Variants in SMARCAD1 observed in about 807,000 individuals in gnomAD.
SMARCAD1 encodes SNF2 related chromatin remodeling ATPase with DExD box 1.
In SMARCAD1, 25 loss-of-function variants were observed where a neutral mutation model predicts 127.1. The observed-to-expected ratio is 0.20, with a 90% confidence interval of 0.14 to 0.27. The LOEUF is 0.27. Ranked by LOEUF, SMARCAD1 falls within the 10% of genes least tolerant of loss-of-function variation. The pLI is 1.00. For missense variants in SMARCAD1, 807 were observed against 1,206.0 expected (o/e 0.67, Z 4.90); for synonymous variants, 400 against 396.9 (o/e 1.01, Z -0.09).
rs751159247 is a variant in SMARCAD1 at position 94,289,618 on chromosome 4, T to C, written c.*84T>C. On this transcript the variant is annotated 3_prime_UTR_variant, in exon 24 of 24. Coordinates refer to ENST00000354268, the MANE Select transcript of SMARCAD1 (RefSeq NM_020159.5). ...ATTTACATTATGATGACCATGGGGTTTATGAACATTTATAACTTTTTATAA... is the reference window on the plus strand; with the variant it reads ...ATTTACATTATGATGACCATGGGGTCTATGAACATTTATAACTTTTTATAA... 8.6e-7 allele frequency: 1 copy of C among 1,161,218 alleles called. No individual in the cohort carries two copies. The highest frequency in any genetic ancestry group is 1.5e-5 in the African/African-American group (1 of 66,132). The allele number at this position is 1,161,218 out of a possible 1,614,324, so 71.9% of individuals were successfully genotyped here.
At chr4:94,213,617 CTG>C (rs1281102223) in intron 2 of SMARCAD1, among the ~76,000 whole-genome samples, 5 of 151,422 alleles carry the variant, frequency 3.3e-5, no homozygotes, top group Non-Finnish European at 7.4e-5. Context: ...AGGGAAATGA[CTG>C]TAGAGATGAC....
At chr4:94,243,828 A>G (rs560877939) in intron 6 of SMARCAD1, among the ~76,000 whole-genome samples, 2 of 152,268 alleles carry the variant, frequency 1.3e-5, no homozygotes, top group African/African-American at 4.8e-5. Flanking sequence ...GATCTTTTCT[A>G]TTTGAAAAAA....
At chr4:94,271,239 C>G (rs966806095) in intron 11 of SMARCAD1, among the ~76,000 whole-genome samples, 6 of 152,130 alleles carry the variant, frequency 3.9e-5, no homozygotes, top group African/African-American at 1.4e-4. Flanking sequence ...TAACTTAGAT[C>G]CCTGTCCTTG....
Position 94,277,013 on chromosome 4 carries a change from C to A in SMARCAD1, c.1945-9C>A. 6.2e-7 allele frequency: 1 copy of A among 1,613,940 alleles called. No homozygotes were observed. The highest frequency in any genetic ancestry group is 8.5e-7 in the Non-Finnish European group (1 of 1,179,942). ...AAAAAGCTAATATAAATTTTACCTT[C>A]ATTCACAGGCAAATAACCGTTTGCT... On this transcript the variant is annotated splice_polypyrimidine_tract_variant and intron_variant, in intron 15 of 23. Coordinates refer to ENST00000354268, the MANE Select transcript of SMARCAD1 (RefSeq NM_020159.5).
intron 10 of SMARCAD1, among the ~76,000 whole-genome samples, chr4:94,267,088 T>G (rs1751838263): frequency 7.9e-6 from 1 of 127,364 alleles, no homozygotes; most frequent in Non-Finnish European, 1.8e-5. Flanking sequence ...CTTAAAAGAT[T>G]TCTCACATGT....
rs372060663 is a variant in SMARCAD1, at chr4:94,280,580, T to C, written c.2419-12T>C. 125 of 1,611,270 alleles carry C rather than the reference T, an allele frequency of 7.8e-5. 1 individual carries two copies. The highest frequency in any genetic ancestry group is 9.8e-5 in the Non-Finnish European group (116 of 1,178,314). On this transcript the variant is annotated splice_polypyrimidine_tract_variant and intron_variant, in intron 19 of 23. Coordinates refer to ENST00000354268, the MANE Select transcript of SMARCAD1 (RefSeq NM_020159.5). ...TTATTTTGAAGTATACTGTGTTTTG[T>C]TTTGTTTTAAGGAACCTACACATTG...
At chr4:94,221,372 G>T (rs139329736) in intron 2 of SMARCAD1, among the ~76,000 whole-genome samples, 2 of 152,010 alleles carry the variant, frequency 1.3e-5, no homozygotes, top group East Asian at 1.9e-4. Context: ...ATGTTTTTTC[G>T]TATGGTTCCA....
At chr4:94,280,091 C>T (rs1753815122) in intron 19 of SMARCAD1, among the ~76,000 whole-genome samples, 1 of 152,188 alleles carries the variant, frequency 6.6e-6, no homozygotes, top group Non-Finnish European at 1.5e-5. Context: ...TCTCGAACTC[C>T]TGACCTTAGG....
chr4:94,229,210 C>T (rs888108833), intron 3 of SMARCAD1, among the ~76,000 whole-genome samples: 1 of 152,046 alleles, frequency 6.6e-6, no homozygotes, highest in Admixed American at 6.5e-5. Context: ...TATTCGCTAG[C>T]CAGCTTTCAC....
chr4:94,278,751 C>A lies in SMARCAD1; in HGVS notation c.2296+18C>A, dbSNP rs1276845155. 6.2e-7 allele frequency: 1 copy of A among 1,609,268 alleles called. No individual in the cohort carries two copies. Among genetic ancestry groups the A allele is most frequent in the Non-Finnish European group, 8.5e-7 (1 of 1,175,680 alleles). On this transcript the variant is annotated intron_variant, in intron 18 of 23. Coordinates refer to ENST00000354268, the MANE Select transcript of SMARCAD1 (RefSeq NM_020159.5). ...TAACTTGGGTATAATCTGATTTTTA[C>A]TCTTTTATGTGAAAAAGAATCTTGT...
chr4:94,241,409 A>G (rs1169229557), intron 6 of SMARCAD1, among the ~76,000 whole-genome samples: 7 of 152,162 alleles, frequency 4.6e-5, no homozygotes, highest in African/African-American at 1.7e-4. Context: ...GTTCATCTCC[A>G]AATTTCCCCT....
In SMARCAD1 at chr4:94,282,101, T is replaced by TTTTTG. The variant is rs1560568954; in HGVS notation, c.2726+515_2726+516insGTTTT. Among the ~76,000 whole-genome samples, 253 of 63,708 alleles carry TTTTTG rather than the reference T, an allele frequency of 4.0e-3. 3 individuals are homozygous for TTTTTG. Among genetic ancestry groups the TTTTTG allele is most frequent in the Middle Eastern group, 0.04 (5 of 126 alleles). 41.8% of individuals were successfully genotyped at this position (63,708 alleles called of 152,430 possible). ...AATTACATGCAAATACGTTTTTTTG[T>TTTTTG]TTTTTTTTTTTTTTTTGAGACGGAG... is the stretch of plus-strand genomic sequence containing the variant. On this transcript the variant is annotated intron_variant, in intron 21 of 23. Coordinates refer to ENST00000354268, the MANE Select transcript of SMARCAD1 (RefSeq NM_020159.5).
intron 3 of SMARCAD1, among the ~76,000 whole-genome samples, chr4:94,232,612 G>T (rs1746013822): frequency 6.6e-6 from 1 of 152,184 alleles, no homozygotes; most frequent in Non-Finnish European, 1.5e-5. Context: ...TTACTTTAGA[G>T]CGGTTTCTCA....
At chr4:94,230,418 C>G (rs1745661570) in intron 3 of SMARCAD1, among the ~76,000 whole-genome samples, 1 of 152,106 alleles carries the variant, frequency 6.6e-6, no homozygotes, top group African/African-American at 2.4e-5. Flanking sequence ...TTATTTTTTG[C>G]AACTCCATAG....
intron 5 of SMARCAD1, among the ~76,000 whole-genome samples, chr4:94,238,373 G>A (rs1398572836): frequency 6.6e-6 from 1 of 152,056 alleles, no homozygotes; most frequent in African/African-American, 2.4e-5. Flanking sequence ...CAAACTCAAA[G>A]GTCGTTGTGA....
intron 10 of SMARCAD1, among the ~76,000 whole-genome samples, chr4:94,269,482 A>G (rs1752217858): frequency 6.7e-6 from 1 of 149,074 alleles, no homozygotes; most frequent in Non-Finnish European, 1.5e-5. Flanking sequence ...ATGCAACCTC[A>G]GGCAAATTAA....
intron 10 of SMARCAD1, among the ~76,000 whole-genome samples, chr4:94,266,156 C>T (rs1231893992): frequency 6.6e-6 from 1 of 151,004 alleles, no homozygotes; most frequent in Non-Finnish European, 1.5e-5. Context: ...CAAATTTCAT[C>T]TCCTAAAAGT....
chr4:94,273,475 CAT>C (rs1370289844), intron 11 of SMARCAD1, 140 bp from the exon 12 acceptor site: 43 of 650,856 alleles, frequency 6.6e-5, no homozygotes, highest in South Asian at 5.4e-4. Context: ...GAACTAAGAA[CAT>C]AGTAGAAATT....
At chr4:94,273,856 A>C (rs1752888181) in intron 12 of SMARCAD1, 140 bp downstream of exon 12, 1 of 686,514 alleles carries the variant, frequency 1.5e-6, no homozygotes, top group Non-Finnish European at 2.5e-6. Context: ...TGGTCTCTTT[A>C]TACTTTTCTC....
Sources: allele counts gnomAD v4.1 joint callset (sites outside exome capture counted in the v4.1 genomes callset), GRCh38; gene constraint gnomAD v4.1.1; transcripts MANE v1.5; gene names NCBI Gene and HGNC (gene_info 2026-07-23, HGNC 2026-07-21).